CLCN5: variants seen among roughly 807,000 people sequenced by gnomAD.
CLCN5 encodes the protein H(+)/Cl(-) exchange transporter 5.
A neutral mutation model predicts 54.0 loss-of-function variants in CLCN5; 17 were observed. The observed-to-expected ratio is 0.31, with a 90% CI of 0.22 to 0.47. CLCN5 has a LOEUF of 0.47. CLCN5 is among the 20% of genes least tolerant of loss of function. The pLI, the probability that CLCN5 is intolerant of heterozygous loss-of-function variation, is 1.00. For missense variants in CLCN5, 448 were observed against 646.7 expected, an observed-to-expected ratio of 0.69 and a Z score of 3.33; for synonymous variants, 222 against 233.0, an observed-to-expected ratio of 0.95 and a Z score of 0.43.
chrX:50,038,499 A>G (rs1431258862), intron 3 of CLCN5, among the ~76,000 whole-genome samples: 1 of 111,817 alleles, frequency 8.9e-6, no homozygotes, highest in African/African-American at 3.3e-5. Context: ...TCAAAGATGT[A>G]TAACCTGAGT....
intron 4 of CLCN5, among the ~76,000 whole-genome samples, chrX:50,066,746 G>C (rs1933038863): frequency 8.9e-6 from 1 of 112,124 alleles, no homozygotes; most frequent in Non-Finnish European, 1.9e-5. Flanking sequence ...TTGGATTAAT[G>C]AGTACCAGAG....
chrX:50,041,328 G>C (rs1932206544), intron 3 of CLCN5, among the ~76,000 whole-genome samples: 1 of 111,410 alleles, frequency 9.0e-6, no homozygotes, highest in Non-Finnish European at 1.9e-5. Context: ...TAGGGAGGGT[G>C]GGCCTACATA....
At chrX:50,079,636 C>G (rs1933596529) in intron 7 of CLCN5, among the ~76,000 whole-genome samples, 1 of 111,558 alleles carries the variant, frequency 9.0e-6, no homozygotes, top group African/African-American at 3.3e-5. Flanking sequence ...TTATTTATAT[C>G]TGGTACCACC....
intron 3 of CLCN5, chrX:50,014,708 G>A (rs1383731416): frequency 2.8e-5 from 9 of 326,222 alleles, no homozygotes; most frequent in Non-Finnish European, 4.9e-5. Flanking sequence ...AGGACAGAGA[G>A]CCTAGACATC....
intron 3 of CLCN5, among the ~76,000 whole-genome samples, chrX:49,943,766 C>T (rs1464546494): frequency 1.8e-5 from 2 of 111,646 alleles, no homozygotes; most frequent in Non-Finnish European, 3.8e-5. Context: ...GTCTATATCT[C>T]TGTTTTGGTA....
At chrX:49,958,447 G>T (rs1477878378) in intron 3 of CLCN5, among the ~76,000 whole-genome samples, 1 of 111,390 alleles carries the variant, frequency 9.0e-6, no homozygotes. Context: ...AAAACACTTC[G>T]TTCCATTACC....
At position 50,089,438 on chromosome X, in the gene CLCN5, T is replaced by C. The variant is rs1306858519; in HGVS notation, c.1744+554T>C. On this transcript the variant is annotated intron_variant, in intron 12 of 14. Transcript: ENST00000376091. The stretch of plus-strand genomic sequence containing the variant: ...ATATGTTTTTGCATAGAAAAAAACT[T>C]GAAAAAGTCATTCAGAATTTTTACT... 6.2e-5 allele frequency among the ~76,000 whole-genome samples: 7 copies of C among 112,708 alleles called. No homozygotes were observed. In the East Asian group the frequency reaches 1.9e-3, roughly 31 times the overall value.
intron 3 of CLCN5, among the ~76,000 whole-genome samples, chrX:49,968,733 T>G (rs1281696595): frequency 3.7e-4 from 21 of 56,090 alleles, no homozygotes; most frequent in Non-Finnish European, 4.4e-4. Context: ...AACCTAGGCA[T>G]TACCATTCAG....
Position 50,088,802 on chromosome X carries a change from C to T in CLCN5, c.1662C>T (p.Thr554=), listed in dbSNP as rs201928091. 1.7e-4 allele frequency: 201 copies of T among 1,209,456 alleles called. No individual in the cohort carries two copies. Among genetic ancestry groups the T allele is most frequent in the East Asian group, 1.2e-4 (4 of 33,760 alleles). ...TGGCTTATTACCACCAGGAATGGAC[C>T]GTCTTCAATAGCTGGTGTAGTCAGG... is the stretch of plus-strand genomic sequence containing the variant. ...EQLAYYHQEW[T]VFNSWCSQGA... is the part of the protein sequence containing the mutation. The change falls in exon 12 of 15, where the codon ACC becomes ACT. Residue 554 remains threonine (T), a synonymous_variant. Transcript: ENST00000376091.
intron 4 of CLCN5, among the ~76,000 whole-genome samples, chrX:50,063,993 A>G (rs1557190372): frequency 9.2e-6 from 1 of 108,308 alleles, no homozygotes; most frequent in Non-Finnish European, 1.9e-5. Flanking sequence ...TAAATTAGGT[A>G]TTGATGGGAC....
At chrX:49,925,387 C>A (rs1925289929) in intron 3 of CLCN5, 73 bp downstream of exon 3, 2 of 1,030,092 alleles carry the variant, frequency 1.9e-6, no homozygotes, top group Admixed American at 4.4e-5. Context: ...CCAACCGTTC[C>A]CCACCCAGCC....
intron 3 of CLCN5, among the ~76,000 whole-genome samples, chrX:50,040,609 A>G (rs1932179827): frequency 8.9e-6 from 1 of 112,271 alleles, no homozygotes; most frequent in Non-Finnish European, 1.9e-5. Context: ...CAATACATGT[A>G]TACTTTGTGT....
intron 4 of CLCN5, among the ~76,000 whole-genome samples, chrX:50,050,098 C>G (rs782450260): frequency 8.9e-6 from 1 of 112,078 alleles, no homozygotes; most frequent in African/African-American, 3.2e-5. Context: ...ATCCATTCAT[C>G]TACTGAAGGA....
chrX:49,937,212 T>C (rs1202836720), intron 3 of CLCN5, among the ~76,000 whole-genome samples: 1 of 111,789 alleles, frequency 8.9e-6, no homozygotes, highest in African/African-American at 3.2e-5. Flanking sequence ...TATTTAAGAA[T>C]TCGTGTATAT....
intron 3 of CLCN5, among the ~76,000 whole-genome samples, chrX:49,992,908 A>C (rs1557179191): frequency 1.8e-5 from 2 of 112,220 alleles, no homozygotes; most frequent in African/African-American, 6.5e-5. Context: ...TGTTAGGCAG[A>C]GTACAGTAGG....
intron 3 of CLCN5, among the ~76,000 whole-genome samples, chrX:50,018,802 C>A (rs781876957): frequency 2.7e-4 from 30 of 112,067 alleles, no homozygotes; most frequent in Non-Finnish European, 5.5e-4. Context: ...TGGGATAAAT[C>A]CCACTTGGTC....
At chrX:50,027,017 CTTTT>C (rs113714534) in intron 3 of CLCN5, among the ~76,000 whole-genome samples, 1 of 98,153 alleles carries the variant, frequency 1.0e-5, no homozygotes, top group Non-Finnish European at 2.1e-5. Context: ...TTCTTTCTTT[CTTTT>C]TTTTTTTTTT....
intron 3 of CLCN5, among the ~76,000 whole-genome samples, chrX:49,966,767 T>TC (rs1927921611): frequency 4.3e-5 from 1 of 23,184 alleles, no homozygotes; most frequent in Non-Finnish European, 6.0e-5. Flanking sequence ...CCCTCCCCCC[T>TC]CCCCCGACCC....
At chrX:50,055,435 T>C (rs945012546) in intron 4 of CLCN5, among the ~76,000 whole-genome samples, 1 of 111,798 alleles carries the variant, frequency 8.9e-6, no homozygotes, top group Non-Finnish European at 1.9e-5. Flanking sequence ...ATAATAGGTC[T>C]GATCACACTT....
Sources: gnomAD v4.1 joint callset for allele counts (sites outside exome capture counted in the v4.1 genomes callset) on GRCh38, gnomAD v4.1.1 for gene constraint, MANE v1.5 for transcripts, NCBI Gene and HGNC (gene_info 2026-07-23, HGNC 2026-07-21) for gene names.